The following PRKAG2 variants were observed in gnomAD, a reference collection of about 807,000 sequenced individuals.
PRKAG2 encodes protein kinase AMP-activated non-catalytic subunit gamma 2, also known as 5'-AMP-activated protein kinase subunit gamma-2.
A neutral mutation model predicts 69.6 loss-of-function variants in PRKAG2; 26 were observed. That is an observed-to-expected ratio of 0.37 (90% confidence interval 0.27 to 0.52). PRKAG2 has a LOEUF of 0.52. Ranked by LOEUF, PRKAG2 falls within the 20% of genes least tolerant of loss-of-function variation. The pLI is 0.90. For missense variants in PRKAG2, 557 were observed against 740.0 expected, an observed-to-expected ratio of 0.75 and a Z score of 2.87; for synonymous variants, 293 against 285.0, an observed-to-expected ratio of 1.03 and a Z score of -0.28.
intron 3 of PRKAG2, among the ~76,000 whole-genome samples, chr7:151,728,929 G>C (rs1798446649): frequency 6.6e-6 from 1 of 152,142 alleles, no homozygotes; most frequent in South Asian, 2.1e-4. Context: ...AGGGAAAGGG[G>C]CACTTGACCG....
intron 1 of PRKAG2, among the ~76,000 whole-genome samples, chr7:151,787,403 C>T (rs1011929964): frequency 6.6e-6 from 1 of 151,980 alleles, no homozygotes; most frequent in Non-Finnish European, 1.5e-5. Context: ...GGCAACCACC[C>T]TCCTATCTCT....
chr7:151,834,824 G>A (rs1183679913), intron 1 of PRKAG2, among the ~76,000 whole-genome samples: 1 of 152,226 alleles, frequency 6.6e-6, no homozygotes, highest in Non-Finnish European at 1.5e-5. Context: ...TCCCAGTTCC[G>A]GAGCCCGGAA....
intron 1 of PRKAG2, among the ~76,000 whole-genome samples, chr7:151,833,680 G>A (rs535886387): frequency 2.6e-5 from 4 of 152,200 alleles, no homozygotes; most frequent in African/African-American, 9.7e-5. Flanking sequence ...AGGGGTGGGG[G>A]ATAGTTTGGA....
At chr7:151,730,430 G>C (rs1012666358) in intron 3 of PRKAG2, among the ~76,000 whole-genome samples, 3 of 152,232 alleles carry the variant, frequency 2.0e-5, no homozygotes, top group African/African-American at 7.2e-5. Flanking sequence ...ACTTTGGGAA[G>C]CCAACGTGGA....
chr7:151,747,995 C>T (rs1193079015), intron 3 of PRKAG2, among the ~76,000 whole-genome samples: 1 of 149,662 alleles, frequency 6.7e-6, no homozygotes, highest in East Asian at 2.0e-4. Context: ...AATCTCAGCT[C>T]ACTGTAACTG....
intron 3 of PRKAG2, among the ~76,000 whole-genome samples, chr7:151,775,948 C>T (rs2076323896): frequency 6.6e-6 from 1 of 152,194 alleles, no homozygotes; most frequent in East Asian, 1.9e-4. Flanking sequence ...ATTTCAAGTA[C>T]GGAGAAAAGC....
intron 4 of PRKAG2, among the ~76,000 whole-genome samples, chr7:151,636,181 T>C (rs1266685000): frequency 6.6e-6 from 1 of 152,116 alleles, no homozygotes; most frequent in African/African-American, 2.4e-5. Flanking sequence ...ATAATTCACA[T>C]ACCATAAAAT....
rs1377306571 is a variant in PRKAG2, at chr7:151,601,831, C to T, written c.755-6377G>A. Among the ~76,000 whole-genome samples, 6 of 152,238 alleles carry T rather than the reference C, an allele frequency of 3.9e-5. No homozygotes were observed. The East Asian group carries it at 1.2e-3, about 29-fold the overall frequency. On this transcript the variant is annotated intron_variant, in intron 5 of 15. Transcript: ENST00000287878. ...GAAGACAACAAACACAACCCTTGTC[C>T]TTACAGACACTGCAAACCAATGGAG...
At chr7:151,825,063 A>C (rs954347504) in intron 1 of PRKAG2, among the ~76,000 whole-genome samples, 1 of 152,038 alleles carries the variant, frequency 6.6e-6, no homozygotes, top group African/African-American at 2.4e-5. Flanking sequence ...AATACAAAAA[A>C]ATTAGCTGGG....
rs6945429 is a variant in PRKAG2, at chr7:151,865,883, G to T, written c.114+10624C>A. ...AAAATACAAAAAATTAGCTGGGTGT[G>T]GTGGCGGGCGCCCGTAGACCCAGCT... On this transcript the variant is annotated intron_variant, in intron 1 of 15. Transcript: ENST00000287878. Among the ~76,000 whole-genome samples, 343 of 152,186 alleles carry T rather than the reference G, an allele frequency of 2.3e-3. 1 individual carries two copies. The highest frequency in any genetic ancestry group is 7.1e-3 in the African/African-American group (295 of 41,540).
intron 7 of PRKAG2, among the ~76,000 whole-genome samples, chr7:151,575,896 CAA>C (rs397769419): frequency 4.6e-4 from 29 of 63,472 alleles, no homozygotes; most frequent in Middle Eastern, 0.014. Context: ...AATGAGGCGG[CAA>C]AAAAAAAAAA....
chr7:151,599,365 C>A (rs1486536538), intron 5 of PRKAG2, among the ~76,000 whole-genome samples: 1 of 152,088 alleles, frequency 6.6e-6, no homozygotes, highest in African/African-American at 2.4e-5. Flanking sequence ...ATGGCCACCC[C>A]CTACATATCC....
intron 3 of PRKAG2, among the ~76,000 whole-genome samples, chr7:151,694,422 T>G (rs1476478336): frequency 6.6e-6 from 1 of 152,176 alleles, no homozygotes; most frequent in African/African-American, 2.4e-5. Context: ...AGTACAACAC[T>G]GAAACTCTGT....
chr7:151,869,732 C>T (rs2081816779), intron 1 of PRKAG2, among the ~76,000 whole-genome samples: 1 of 152,268 alleles, frequency 6.6e-6, no homozygotes, highest in South Asian at 2.1e-4. Flanking sequence ...GTGCCGTGCC[C>T]CACTGAGGAC....
rs1344934721 is a variant in PRKAG2 at position 151,719,918 on chromosome 7, C to G, written c.467-44281G>C. ...GCCGCCACATTCAATCTGCACCTTC[C>G]CATGGAACTCTCCCAATTGGCTGTG... On this transcript the variant is annotated intron_variant, in intron 3 of 15. Coordinates refer to ENST00000287878, the MANE Select transcript of PRKAG2 (RefSeq NM_016203.4). This position sits in a 1 kb window ranked among gnomAD's most constrained non-coding sequence, Gnocchi z 5.2. 1.3e-5 allele frequency among the ~76,000 whole-genome samples: 2 copies of G among 152,176 alleles called. No individual in the cohort carries two copies. The highest frequency in any genetic ancestry group is 2.9e-5 in the Non-Finnish European group (2 of 68,048).
rs11979282 is a variant in PRKAG2 at position 151,730,470 on chromosome 7, A to G, written c.466+50682T>C. The stretch of plus-strand genomic sequence containing the variant: ...CGCTTGAGCCCAGGAGTTCGAGACC[A>G]CCCTGGGCAACATAGGGAAACCCCG... On this transcript the variant is annotated intron_variant, in intron 3 of 15. Coordinates refer to ENST00000287878, the MANE Select transcript of PRKAG2 (RefSeq NM_016203.4). Among the ~76,000 whole-genome samples, 1,198 of 152,322 alleles carry G rather than the reference A, an allele frequency of 7.9e-3. 21 individuals are homozygous for G. Among genetic ancestry groups the G allele is most frequent in the African/African-American group, 0.026 (1,101 of 41,562 alleles).
intron 5 of PRKAG2, among the ~76,000 whole-genome samples, chr7:151,603,028 A>C (rs1302688876): frequency 6.6e-6 from 1 of 152,208 alleles, no homozygotes; most frequent in East Asian, 1.9e-4. Context: ...AAGCAGTGTG[A>C]GAACACACGG....
intron 5 of PRKAG2, among the ~76,000 whole-genome samples, chr7:151,621,218 G>A (rs1396543292): frequency 1.3e-5 from 2 of 152,148 alleles, no homozygotes; most frequent in Admixed American, 6.5e-5. Flanking sequence ...CTAGCCTTAC[G>A]GAAGGAGCTG....
chr7:151,586,894 T>C (rs1811800295), intron 6 of PRKAG2, among the ~76,000 whole-genome samples: 1 of 152,254 alleles, frequency 6.6e-6, no homozygotes, highest in South Asian at 2.1e-4. Flanking sequence ...TTTGATCATG[T>C]GCTCTGCATT....
Sources: allele counts gnomAD v4.1 joint callset (sites outside exome capture counted in the v4.1 genomes callset), GRCh38; gene constraint gnomAD v4.1.1; non-coding constraint Gnocchi (gnomAD v3.1); transcripts MANE v1.5; gene names NCBI Gene and HGNC (gene_info 2026-07-23, HGNC 2026-07-21).